TSPAN19: variants seen among roughly 807,000 people sequenced by gnomAD.
The protein encoded by TSPAN19 is tetraspanin 19, also known as tetraspanin-19.
Under a neutral mutation model 35.1 loss-of-function variants are expected in TSPAN19, and 44 were observed. The ratio of observed to expected loss-of-function variants is 1.25; its 90% CI spans 0.98 to 1.61. The LOEUF is 1.61. Ranked by LOEUF, TSPAN19 falls within the 40% of genes most tolerant of loss-of-function variation. The pLI is 0.00. For missense variants in TSPAN19, 290 were observed against 280.0 expected (o/e 1.04, Z -0.26); for synonymous variants, 79 against 92.0 (o/e 0.86, Z 0.81).
chr12:85,033,433 G>A (rs1370580468), intron 1 of TSPAN19, among the ~76,000 whole-genome samples: 3 of 150,662 alleles, frequency 2.0e-5, no homozygotes, highest in Non-Finnish European at 4.4e-5. Flanking sequence ...TTAAGATAGG[G>A]GGATAATTTA....
chr12:85,028,482 C>A (rs2135813010), intron 3 of TSPAN19, among the ~76,000 whole-genome samples: 1 of 152,250 alleles, frequency 6.6e-6, no homozygotes, highest in East Asian at 1.9e-4. Context: ...AGACTGTGAG[C>A]CCTCAGTGCT....
rs1281088740 is a variant in TSPAN19 at position 85,017,592 on chromosome 12, C to T, written c.458G>A (p.Cys153Tyr). 6.4e-7 allele frequency: 1 copy of T among 1,561,750 alleles called. No homozygotes were observed. The highest frequency in any genetic ancestry group is 1.4e-5 in the African/African-American group (1 of 72,850). ...GTCTGTGTAATTATGTTGGCCACAA[C>T]ACTGTAACTAGGAAAAAGCTTATAT... ...ILNALQKTLQ[C>Y]CGQHNYTDWI... Residue 153 changes from cysteine to tyrosine, a missense_variant, in exon 7 of 9, where the codon TGT (cysteine) becomes TAT (tyrosine). By Grantham distance (194) the Cys-to-Tyr change is radical (BLOSUM62 -2). Transcript: ENST00000532498.
intron 5 of TSPAN19, among the ~76,000 whole-genome samples, chr12:85,021,994 AATAT>A (rs1263735053): frequency 1.3e-5 from 2 of 152,072 alleles, no homozygotes; most frequent in Non-Finnish European, 2.9e-5. Flanking sequence ...TCTTATTTCT[AATAT>A]ATAGAGAGAT....
intron 8 of TSPAN19, 97 bp from the exon 9 acceptor site, chr12:85,014,652 A>C (rs1434408000): frequency 1.2e-6 from 1 of 820,398 alleles, no homozygotes; most frequent in African/African-American, 1.8e-5. Context: ...GCGTATTGTA[A>C]AGGGAAAAGG....
chr12:85,031,652 A>C (rs1877688681), intron 1 of TSPAN19, among the ~76,000 whole-genome samples: 1 of 152,196 alleles, frequency 6.6e-6, no homozygotes, highest in African/African-American at 2.4e-5. Context: ...AAATCATGTT[A>C]GAAACTTGGA....
intron 3 of TSPAN19, among the ~76,000 whole-genome samples, chr12:85,029,146 T>G (rs575758161): frequency 1.4e-4 from 21 of 152,236 alleles, no homozygotes; most frequent in Admixed American, 2.6e-4. Flanking sequence ...GATAGGAACT[T>G]TATTTTGTTT....
At chr12:85,022,011 AG>A (rs377191730) in intron 5 of TSPAN19, among the ~76,000 whole-genome samples, 35 of 152,288 alleles carry the variant, frequency 2.3e-4, no homozygotes, top group African/African-American at 7.7e-4. Context: ...AGAGAGATAC[AG>A]GAGTGTGTGC....
At chr12:85,029,827 T>C (rs1877597322) in intron 2 of TSPAN19, 36 bp from the exon 3 acceptor site, 2 of 1,528,728 alleles carry the variant, frequency 1.3e-6, no homozygotes, top group African/African-American at 1.4e-5. Context: ...TTTTTTGTAA[T>C]TGCCTATACA....
At chr12:85,029,678 ATGTC>A (rs1414099365) in intron 3 of TSPAN19, 37 bp downstream of exon 3, 2 of 1,408,600 alleles carry the variant, frequency 1.4e-6, no homozygotes, top group Admixed American at 2.5e-5. Flanking sequence ...TAAAAATTGA[ATGTC>A]TATTTCACTG....
At chr12:85,026,349 AAGAT>A (rs1877410904) in intron 4 of TSPAN19, among the ~76,000 whole-genome samples, 2 of 152,142 alleles carry the variant, frequency 1.3e-5, no homozygotes, top group African/African-American at 4.8e-5. Flanking sequence ...GAAAGAGAGA[AAGAT>A]AAGATTTGAG....
chr12:85,017,598 A>T lies in TSPAN19; in HGVS notation c.452T>A (p.Leu151Ter), dbSNP rs1876885437. The change falls in exon 7 of 9, where the codon TTA becomes TAA. Residue 151 changes from leucine (L) to a stop codon, truncating the protein, a stop_gained and splice_region_variant. Coordinates refer to ENST00000532498, the MANE Select transcript of TSPAN19 (RefSeq NM_001100917.2). LOFTEE classifies it high-confidence loss of function. ...WTILNALQKT[L>*]QCCGQHNYTD... The stretch of plus-strand genomic sequence containing the variant: ...GTAATTATGTTGGCCACAACACTGT[A>T]ACTAGGAAAAAGCTTATATGAATTT... 6 of 1,554,736 alleles carry T rather than the reference A, an allele frequency of 3.9e-6. No homozygotes were observed. The East Asian group carries it at 1.4e-4, about 36-fold the overall frequency.
At chr12:85,027,765 T>A in intron 4 of TSPAN19, 134 bp downstream of exon 4, 1 of 829,936 alleles carries the variant, frequency 1.2e-6, no homozygotes, top group South Asian at 2.2e-5. Flanking sequence ...GGGAGGAGGG[T>A]GTGCTTCATT....
chr12:85,035,424 TC>T (rs1380366028), intron 1 of TSPAN19, among the ~76,000 whole-genome samples: 1 of 152,166 alleles, frequency 6.6e-6, no homozygotes, highest in Non-Finnish European at 1.5e-5. Context: ...AAATCATCTT[TC>T]CTGAAAAGGA....
intron 7 of TSPAN19, chr12:85,016,367 A>G (rs1480149322): frequency 6.5e-6 from 1 of 154,764 alleles, no homozygotes; most frequent in South Asian, 2.0e-4. Flanking sequence ...ATAGAAACAT[A>G]TATATAATAG....
chr12:85,028,280 T>A lies in TSPAN19; in HGVS notation c.140-257A>T, dbSNP rs115172262. Among the ~76,000 whole-genome samples the A allele has an allele frequency of 4.9e-3, 743 of 152,266 alleles. 8 individuals are homozygous for A. The highest frequency in any genetic ancestry group is 0.017 in the African/African-American group (718 of 41,580). On this transcript the variant is annotated intron_variant, in intron 3 of 8. Transcript: ENST00000532498. ...ATTTCAGAAGATCGCTTTACCCTTA[T>A]CCTCCTTGTCTTCTATGATAGAATA...
intron 3 of TSPAN19, among the ~76,000 whole-genome samples, chr12:85,028,718 T>C (rs1877540538): frequency 6.6e-6 from 1 of 152,120 alleles, no homozygotes; most frequent in Non-Finnish European, 1.5e-5. Flanking sequence ...TTTCAGGAAA[T>C]CTGCAAACCA....
chr12:85,031,801 T>C (rs982236158), intron 1 of TSPAN19, among the ~76,000 whole-genome samples: 3 of 152,028 alleles, frequency 2.0e-5, no homozygotes, highest in Non-Finnish European at 4.4e-5. Context: ...TACACTTCTC[T>C]TCCATTTAGA....
In TSPAN19 at chr12:85,014,317, T is replaced by C; in HGVS notation, c.*170A>G. 4.1e-6 allele frequency: 2 copies of C among 483,562 alleles called. No individual in the cohort carries two copies. Among genetic ancestry groups the C allele is most frequent in the South Asian group, 6.7e-5 (2 of 29,754 alleles). The allele number at this position is 483,562 out of a possible 1,614,324, so 30.0% of individuals were successfully genotyped here. A position where few individuals can be genotyped will look rare whatever the true frequency, so the allele number is the denominator to read the frequency against. On this transcript the variant is annotated 3_prime_UTR_variant, in exon 9 of 9. Coordinates refer to ENST00000532498, the MANE Select transcript of TSPAN19 (RefSeq NM_001100917.2). The stretch of plus-strand genomic sequence containing the variant: ...AATATTTTGAAAAACAAAATTAATA[T>C]AATTTCATGAATGTTTTATTATAGT...
chr12:85,019,704 A>G lies in TSPAN19; in HGVS notation c.372T>C (p.Phe124=), dbSNP rs1877015545. Residue 124 remains phenylalanine (F), a synonymous_variant, in exon 6 of 9, where the codon TTT becomes TTC. Coordinates refer to ENST00000532498, the MANE Select transcript of TSPAN19 (RefSeq NM_001100917.2). ...VQQLWHDKID[F]VISEYGSKDK... is the part of the protein sequence containing the mutation. ...CTTTAGATCCATACTCAGAAATGACAAAATCAATTTTGTCATGCCATAGTT... is the reference window on the plus strand; with the variant it reads ...CTTTAGATCCATACTCAGAAATGACGAAATCAATTTTGTCATGCCATAGTT... The G allele has an allele frequency of 1.2e-6, 2 of 1,608,018 alleles. No individual in the cohort carries two copies. Among genetic ancestry groups the G allele is most frequent in the East Asian group, 4.5e-5 (2 of 44,752 alleles).
Sources: gnomAD v4.1 joint callset for allele counts (sites outside exome capture counted in the v4.1 genomes callset) on GRCh38, gnomAD v4.1.1 for gene constraint, MANE v1.5 for transcripts, NCBI Gene and HGNC (gene_info 2026-07-23, HGNC 2026-07-21) for gene names.